The following COP1 variants were observed in gnomAD, a reference collection of about 807,000 sequenced individuals.
COP1 encodes COP1 E3 ubiquitin ligase, also known as E3 ubiquitin-protein ligase COP1.
COP1 carries 24 observed loss-of-function variants against 101.3 expected under a neutral mutation model. The ratio of observed to expected loss-of-function variants is 0.24; its 90% CI spans 0.17 to 0.33. COP1 has a LOEUF of 0.33. COP1 is among the 10% of genes least tolerant of loss of function. COP1 has a pLI of 1.00. For missense variants in COP1, 663 were observed against 906.2 expected (o/e 0.73, Z 3.45); for synonymous variants, 347 against 341.9 (o/e 1.01, Z -0.17).
chr1:176,038,817 CAAAA>C (rs57682179), intron 14 of COP1, among the ~76,000 whole-genome samples: 2 of 133,712 alleles, frequency 1.5e-5, no homozygotes, highest in Non-Finnish European at 1.6e-5. Flanking sequence ...GACTCCATCT[CAAAA>C]AAAAAAAAAA....
chr1:176,064,540 C>A (rs894635777), intron 11 of COP1, among the ~76,000 whole-genome samples: 1 of 152,162 alleles, frequency 6.6e-6, no homozygotes. Context: ...TCTAATACAC[C>A]TCAATGATCT....
chr1:176,051,085 C>T lies in COP1; in HGVS notation c.1278-4761G>A, dbSNP rs143146276. Among the ~76,000 whole-genome samples, 365 of 152,098 alleles carry T rather than the reference C, an allele frequency of 2.4e-3. 3 individuals carry two copies. The highest frequency in any genetic ancestry group is 8.5e-3 in the African/African-American group (354 of 41,484). ...AAAAAAAAGAATAAGGTAGCCTCACCGGTTTTATAATTAGTAGAAGAGATT... is the reference window on the plus strand; with the variant it reads ...AAAAAAAAGAATAAGGTAGCCTCACTGGTTTTATAATTAGTAGAAGAGATT... On this transcript the variant is annotated intron_variant, in intron 11 of 19. Coordinates refer to ENST00000367669, the MANE Select transcript of COP1 (RefSeq NM_022457.7).
chr1:176,007,642 CAGTT>C (rs201801126), intron 15 of COP1, among the ~76,000 whole-genome samples: 1,746 of 152,084 alleles, frequency 0.011, 32 homozygotes, highest in African/African-American at 0.04. Flanking sequence ...GGGTGTCTCC[CAGTT>C]AGGCTGCTCA....
rs185287510 is a variant in COP1, at chr1:176,170,491, G to A, written c.565+5419C>T. Among the ~76,000 whole-genome samples, 19 of 152,326 alleles carry A rather than the reference G, an allele frequency of 1.2e-4. No homozygotes were observed. The East Asian group carries it at 3.7e-3, about 29-fold the overall frequency. On this transcript the variant is annotated intron_variant, in intron 3 of 19. Transcript: ENST00000367669. ...TGTACATCTGTATCAGAGCTCTTGGGTGACCAGGTGCATTGTCAATGAGCA... is the reference window on the plus strand; with the variant it reads ...TGTACATCTGTATCAGAGCTCTTGGATGACCAGGTGCATTGTCAATGAGCA...
At chr1:176,047,169 T>C (rs1198655440) in intron 11 of COP1, among the ~76,000 whole-genome samples, 2 of 152,202 alleles carry the variant, frequency 1.3e-5, no homozygotes, top group African/African-American at 4.8e-5. Context: ...ACATACATTA[T>C]TCCTCAATAT....
At chr1:176,078,416 A>T (rs1678463691) in intron 11 of COP1, among the ~76,000 whole-genome samples, 1 of 152,200 alleles carries the variant, frequency 6.6e-6, no homozygotes, top group African/African-American at 2.4e-5. Context: ...CTATTCAATC[A>T]ATGGTGCTTG....
chr1:176,103,113 G>C (rs1005236551), intron 9 of COP1, among the ~76,000 whole-genome samples: 1 of 152,182 alleles, frequency 6.6e-6, no homozygotes, highest in Non-Finnish European at 1.5e-5. Context: ...CTAGGCAGTG[G>C]GGGAAGGGGA....
At chr1:176,175,216 C>T (rs1696751929) in intron 3 of COP1, among the ~76,000 whole-genome samples, 1 of 152,166 alleles carries the variant, frequency 6.6e-6, no homozygotes, top group African/African-American at 2.4e-5. Context: ...GACCCATGGA[C>T]TCTTTCTCAC....
At chr1:175,968,768 T>C (rs1169212356) in intron 18 of COP1, among the ~76,000 whole-genome samples, 1 of 152,224 alleles carries the variant, frequency 6.6e-6, no homozygotes, top group East Asian at 1.9e-4. Flanking sequence ...AAACAACACA[T>C]ACATTCATCA....
intron 18 of COP1, 69 bp downstream of exon 18, chr1:175,986,874 A>G: frequency 8.3e-7 from 1 of 1,210,138 alleles, no homozygotes; most frequent in Non-Finnish European, 1.1e-6. Flanking sequence ...TTAAAATTTA[A>G]TCAAACCCTG....
At chr1:176,019,985 C>T (rs1362297214) in intron 15 of COP1, among the ~76,000 whole-genome samples, 4 of 152,014 alleles carry the variant, frequency 2.6e-5, no homozygotes, top group African/African-American at 4.8e-5. Context: ...CTAATTCTTC[C>T]GTGATATTTC....
At chr1:175,992,473 A>G (rs934498474) in intron 15 of COP1, among the ~76,000 whole-genome samples, 1 of 152,220 alleles carries the variant, frequency 6.6e-6, no homozygotes, top group African/African-American at 2.4e-5. Context: ...GCAAGGGGTC[A>G]GGGAGTTCCC....
At chr1:175,968,588 T>C (rs533911469) in intron 18 of COP1, 16 of 469,788 alleles carry the variant, frequency 3.4e-5, no homozygotes, top group Non-Finnish European at 5.9e-5. Flanking sequence ...CAGTCTTTTA[T>C]ATTCCAATTA....
In COP1 at chr1:176,159,882, T is replaced by A. The variant is rs142645935; in HGVS notation, c.762+2987A>T. ...GGGTTTAAGTATGAAAATAATTACT[T>A]CTTAAGTCAGATCTAAGACATACGC... On this transcript the variant is annotated intron_variant, in intron 5 of 19. Coordinates refer to ENST00000367669, the MANE Select transcript of COP1 (RefSeq NM_022457.7). 2.6e-3 allele frequency among the ~76,000 whole-genome samples: 399 copies of A among 152,260 alleles called. 3 individuals are homozygous for A. Among genetic ancestry groups the A allele is most frequent in the African/African-American group, 9.2e-3 (381 of 41,556 alleles).
intron 15 of COP1, among the ~76,000 whole-genome samples, chr1:175,995,258 A>G (rs1382443237): frequency 1.3e-5 from 2 of 152,244 alleles, no homozygotes; most frequent in Non-Finnish European, 2.9e-5. Flanking sequence ...CTGTAGAGGG[A>G]AATTTATAGC....
At chr1:176,063,703 A>G (rs1419105606) in intron 11 of COP1, among the ~76,000 whole-genome samples, 2 of 152,206 alleles carry the variant, frequency 1.3e-5, no homozygotes, top group Non-Finnish European at 2.9e-5. Context: ...TTGCCTAAAC[A>G]TAGGTTAGCT....
intron 9 of COP1, 114 bp from the exon 10 acceptor site, chr1:176,086,004 C>T: frequency 3.9e-6 from 2 of 517,370 alleles, no homozygotes; most frequent in Non-Finnish European, 7.0e-6. Context: ...AAAATGATCA[C>T]AAATAGTAAA....
At chr1:176,013,817 T>G (rs1665115548) in intron 15 of COP1, among the ~76,000 whole-genome samples, 1 of 152,212 alleles carries the variant, frequency 6.6e-6, no homozygotes. Flanking sequence ...CCAGACTTAT[T>G]TAAATACGTG....
rs148009665 is a variant in COP1 at position 176,010,091 on chromosome 1, C to T, written c.1729+17481G>A. Reference sequence around the variant, plus strand: ...CAGCACAATGAATAACCTTGTACCACTTGTTCTAGACTCACCAACTGTAAA... The same window carrying T: ...CAGCACAATGAATAACCTTGTACCATTTGTTCTAGACTCACCAACTGTAAA... On this transcript the variant is annotated intron_variant, in intron 15 of 19. Coordinates refer to ENST00000367669, the MANE Select transcript of COP1 (RefSeq NM_022457.7). Among the ~76,000 whole-genome samples, 400 of 152,258 alleles carry T rather than the reference C, an allele frequency of 2.6e-3. 3 individuals are homozygous for T. Among genetic ancestry groups the T allele is most frequent in the African/African-American group, 9.2e-3 (382 of 41,566 alleles).
Sources: allele counts gnomAD v4.1 joint callset (sites outside exome capture counted in the v4.1 genomes callset), GRCh38; gene constraint gnomAD v4.1.1; transcripts MANE v1.5; gene names NCBI Gene and HGNC (gene_info 2026-07-23, HGNC 2026-07-21).